The following SLC24A3 variants were observed in gnomAD, a reference collection of about 807,000 sequenced individuals.
The protein encoded by SLC24A3 is sodium/potassium/calcium exchanger 3.
SLC24A3 carries 28 observed loss-of-function variants against 75.8 expected under a neutral mutation model. The ratio of observed to expected loss-of-function variants is 0.37; its 90% confidence interval spans 0.27 to 0.51. The LOEUF (loss-of-function observed/expected upper bound fraction) is 0.51, where lower values mean the gene tolerates loss of function less well. Among genes scored for constraint, SLC24A3 ranks in the 20% least tolerant of loss-of-function variants. The probability of loss-of-function intolerance (pLI) is 0.94; values close to 1 mark genes in which losing one functional copy is unlikely to be tolerated. For missense variants in SLC24A3, 663 were observed against 847.8 expected (o/e 0.78, Z 2.71); for synonymous variants, 372 against 334.1 (o/e 1.11, Z -1.24).
intron 2 of SLC24A3, among the ~76,000 whole-genome samples, chr20:19,308,042 A>G (rs974582652): frequency 1.3e-5 from 2 of 152,218 alleles, no homozygotes; most frequent in African/African-American, 4.8e-5. Flanking sequence ...TCTACATGAC[A>G]CATGACACAG....
intron 3 of SLC24A3, among the ~76,000 whole-genome samples, chr20:19,573,167 A>G (rs2031080285): frequency 6.6e-6 from 1 of 152,236 alleles, no homozygotes; most frequent in Non-Finnish European, 1.5e-5. Flanking sequence ...TCGATGCAAC[A>G]TAAAACAGCA....
intron 2 of SLC24A3, among the ~76,000 whole-genome samples, chr20:19,285,572 C>A (rs967395991): frequency 1.4e-5 from 2 of 143,608 alleles, no homozygotes; most frequent in Admixed American, 7.2e-5. Context: ...TTTTTTCTAC[C>A]TTCAGAACTG....
intron 2 of SLC24A3, among the ~76,000 whole-genome samples, chr20:19,410,905 ACATTCAGTTG>A (rs1986732563): frequency 6.6e-6 from 1 of 152,234 alleles, no homozygotes. Flanking sequence ...CAGTGGGCTC[ACATTCAGTTG>A]TGACAGGGAG....
At chr20:19,496,902 A>G (rs191642393) in intron 2 of SLC24A3, among the ~76,000 whole-genome samples, 1 of 152,276 alleles carries the variant, frequency 6.6e-6, no homozygotes, top group Non-Finnish European at 1.5e-5. Context: ...GGGAGCAATA[A>G]CAGCACCAGG....
rs1049976112 is a variant in SLC24A3, at chr20:19,219,505, C to A, written c.142+6521C>A. ...CTTGAGTGAGAAGAGAGGTGCTGAACAAGTAATTTTCATGAATTATGAGAG... is the reference window on the plus strand; with the variant it reads ...CTTGAGTGAGAAGAGAGGTGCTGAAAAAGTAATTTTCATGAATTATGAGAG... On this transcript the variant is annotated intron_variant, in intron 1 of 16. Coordinates refer to ENST00000328041, the MANE Select transcript of SLC24A3 (RefSeq NM_020689.4). Among the ~76,000 whole-genome samples the A allele has an allele frequency of 2.0e-5, 3 of 152,088 alleles. No individual in the cohort carries two copies. The East Asian group carries it at 5.8e-4, about 29-fold the overall frequency.
intron 2 of SLC24A3, among the ~76,000 whole-genome samples, chr20:19,495,313 G>A (rs949481063): frequency 2.0e-5 from 3 of 152,206 alleles, no homozygotes; most frequent in African/African-American, 7.2e-5. Flanking sequence ...TGGACTGGAT[G>A]TACAAGTTCT....
intron 1 of SLC24A3, among the ~76,000 whole-genome samples, 153 bp from the exon 2 acceptor site, chr20:19,280,806 G>A (rs1983636979): frequency 6.6e-6 from 1 of 152,180 alleles, no homozygotes; most frequent in Non-Finnish European, 1.5e-5. Context: ...CACTGGTGCG[G>A]CAAGGAAGCC....
chr20:19,288,952 G>A (rs545225950), intron 2 of SLC24A3, among the ~76,000 whole-genome samples: 197 of 152,324 alleles, frequency 1.3e-3, no homozygotes, highest in African/African-American at 4.5e-3. Context: ...GGCTTGAAAA[G>A]CCTAAAATAT....
intron 15 of SLC24A3, 97 bp downstream of exon 15, chr20:19,698,777 G>A (rs2032840382): frequency 9.7e-6 from 9 of 924,018 alleles, no homozygotes; most frequent in Non-Finnish European, 1.4e-5. Flanking sequence ...GGGAAAAAGG[G>A]GTGTAGAAAT....
At chr20:19,270,513 G>A (rs1983294417) in intron 1 of SLC24A3, among the ~76,000 whole-genome samples, 1 of 152,148 alleles carries the variant, frequency 6.6e-6, no homozygotes, top group East Asian at 1.9e-4. Context: ...TCTGGTGAGG[G>A]CCCTCTTCTG....
At chr20:19,680,759 A>C (rs1379545743) in intron 9 of SLC24A3, among the ~76,000 whole-genome samples, 1 of 152,178 alleles carries the variant, frequency 6.6e-6, no homozygotes, top group Non-Finnish European at 1.5e-5. Flanking sequence ...TAGGCCAGCC[A>C]CCTCAGAGCT....
intron 6 of SLC24A3, among the ~76,000 whole-genome samples, chr20:19,599,705 A>G (rs1159868323): frequency 1.3e-5 from 2 of 152,174 alleles, no homozygotes; most frequent in Non-Finnish European, 2.9e-5. Flanking sequence ...GTGGGACTAA[A>G]TGGAATTTGA....
intron 11 of SLC24A3, among the ~76,000 whole-genome samples, chr20:19,684,620 C>T (rs958976341): frequency 6.6e-6 from 1 of 152,312 alleles, no homozygotes; most frequent in Non-Finnish European, 1.5e-5. Context: ...TTGAATAAAG[C>T]CCCCTGATAT....
At chr20:19,241,540 C>G (rs1264481407) in intron 1 of SLC24A3, among the ~76,000 whole-genome samples, 1 of 152,236 alleles carries the variant, frequency 6.6e-6, no homozygotes, top group African/African-American at 2.4e-5. Flanking sequence ...GCCGGGGTAG[C>G]TCTGCCAGGT....
At chr20:19,683,882 C>T (rs548772374) in intron 10 of SLC24A3, among the ~76,000 whole-genome samples, 1 of 152,246 alleles carries the variant, frequency 6.6e-6, no homozygotes, top group African/African-American at 2.4e-5. Context: ...CACTGCAACC[C>T]TTCCTGGCTG....
At chr20:19,471,242 G>A (rs1197237274) in intron 2 of SLC24A3, among the ~76,000 whole-genome samples, 8 of 152,136 alleles carry the variant, frequency 5.3e-5, no homozygotes, top group Non-Finnish European at 7.3e-5. Flanking sequence ...TGCACCTCTC[G>A]TCCATGAGAG....
At chr20:19,631,764 A>G (rs1479736465) in intron 6 of SLC24A3, among the ~76,000 whole-genome samples, 1 of 148,542 alleles carries the variant, frequency 6.7e-6, no homozygotes, top group African/African-American at 2.5e-5. Flanking sequence ...GTTGGGGACT[A>G]TCTCTGTATC....
At chr20:19,291,940 A>G (rs1983952468) in intron 2 of SLC24A3, among the ~76,000 whole-genome samples, 1 of 152,252 alleles carries the variant, frequency 6.6e-6, no homozygotes, top group Admixed American at 6.5e-5. Context: ...CAGTTGATAA[A>G]TGGGCACTCA....
intron 2 of SLC24A3, among the ~76,000 whole-genome samples, chr20:19,470,621 C>T (rs1290983494): frequency 6.6e-6 from 1 of 152,190 alleles, no homozygotes; most frequent in Non-Finnish European, 1.5e-5. Flanking sequence ...CACACATAGA[C>T]ATGACTACTA....
Sources: gnomAD v4.1 joint callset for allele counts (sites outside exome capture counted in the v4.1 genomes callset) on GRCh38, gnomAD v4.1.1 for gene constraint, MANE v1.5 for transcripts, NCBI Gene and HGNC (gene_info 2026-07-23, HGNC 2026-07-21) for gene names.